LRP6: variants seen among roughly 807,000 people sequenced by gnomAD.
LRP6 encodes low-density lipoprotein receptor-related protein 6.
A neutral mutation model predicts 184.1 loss-of-function variants in LRP6; 43 were observed. The ratio of observed to expected loss-of-function variants is 0.23; its 90% confidence interval spans 0.18 to 0.30. The LOEUF (loss-of-function observed/expected upper bound fraction) is 0.30, where lower values mean the gene tolerates loss of function less well. LRP6 is among the 10% of genes least tolerant of loss of function. The pLI is 1.00. For synonymous variants in LRP6, 719 were observed against 684.9 expected (o/e 1.05, Z -0.78); for missense variants, 1,571 against 2,005.3 (o/e 0.78, Z 4.14).
intron 12 of LRP6, among the ~76,000 whole-genome samples, chr12:12,152,661 T>C (rs1950098136): frequency 6.6e-6 from 1 of 152,194 alleles, no homozygotes; most frequent in Non-Finnish European, 1.5e-5. Flanking sequence ...AATATCTGTA[T>C]ACATTTCATA....
intron 2 of LRP6, among the ~76,000 whole-genome samples, chr12:12,224,200 G>A (rs1458287883): frequency 2.0e-5 from 3 of 152,100 alleles, no homozygotes; most frequent in Admixed American, 6.5e-5. Context: ...TTTAAAATTC[G>A]TATTCATTAA....
intron 16 of LRP6, 110 bp downstream of exon 16, chr12:12,138,215 A>G: frequency 1.9e-6 from 2 of 1,079,218 alleles, no homozygotes; most frequent in Non-Finnish European, 1.4e-6. Context: ...GGCAAAACTA[A>G]AAGTGCATGA....
At chr12:12,131,403 C>T (rs537472960) in intron 18 of LRP6, among the ~76,000 whole-genome samples, 3 of 152,224 alleles carry the variant, frequency 2.0e-5, no homozygotes, top group South Asian at 2.1e-4. Context: ...CCACCACGCC[C>T]GGCTTATTCT....
chr12:12,235,252 T>C (rs754200627), intron 2 of LRP6, among the ~76,000 whole-genome samples: 3 of 152,072 alleles, frequency 2.0e-5, no homozygotes, highest in Non-Finnish European at 4.4e-5. Flanking sequence ...AGAATAGAAG[T>C]AAATATCCCA....
chr12:12,132,091 AAC>A, intron 17 of LRP6, 34 bp from the exon 18 acceptor site: 1 of 1,397,336 alleles, frequency 7.2e-7, no homozygotes, highest in Non-Finnish European at 1.0e-6. Context: ...GAGTGACAAA[AAC>A]ACAATCATGG....
intron 12 of LRP6, among the ~76,000 whole-genome samples, chr12:12,157,625 G>C (rs1468132569): frequency 6.6e-6 from 1 of 151,922 alleles, no homozygotes; most frequent in East Asian, 1.9e-4. Context: ...ACTGAAGTTG[G>C]CATCAGAACA....
chr12:12,121,025 G>T lies in LRP6; in HGVS notation c.*101C>A. The T allele has an allele frequency of 1.0e-6, 1 of 988,918 alleles. No homozygotes were observed. Among genetic ancestry groups the T allele is most frequent in the Non-Finnish European group, 1.5e-6 (1 of 676,814 alleles). The allele number at this position is 988,918 out of a possible 1,614,324, so 61.3% of individuals were successfully genotyped here. A position where few individuals can be genotyped will look rare whatever the true frequency, so the allele number is the denominator to read the frequency against. ...TTATAATTTTAACTGTACATGGTCTGCCTCATCCTTCTCTAATAGCTCCCT... is the reference window on the plus strand; with the variant it reads ...TTATAATTTTAACTGTACATGGTCTTCCTCATCCTTCTCTAATAGCTCCCT... On this transcript the variant is annotated 3_prime_UTR_variant, in exon 23 of 23. Coordinates refer to ENST00000261349, the MANE Select transcript of LRP6 (RefSeq NM_002336.3).
At chr12:12,210,329 T>C (rs1226585241) in intron 2 of LRP6, among the ~76,000 whole-genome samples, 1 of 152,148 alleles carries the variant, frequency 6.6e-6, no homozygotes, top group Non-Finnish European at 1.5e-5. Context: ...TGTGTGTGTA[T>C]TGGTGTCATT....
intron 2 of LRP6, among the ~76,000 whole-genome samples, chr12:12,238,279 C>T (rs1449676067): frequency 7.0e-6 from 1 of 143,554 alleles, no homozygotes; most frequent in Non-Finnish European, 1.5e-5. Context: ...GATAAAAGAG[C>T]AAAATTAAGA....
At chr12:12,153,653 A>T (rs1357748115) in intron 12 of LRP6, among the ~76,000 whole-genome samples, 1 of 152,234 alleles carries the variant, frequency 6.6e-6, no homozygotes, top group Non-Finnish European at 1.5e-5. Context: ...TAAAATGACA[A>T]AGAATATGCC....
chr12:12,239,426 A>G (rs970043301), intron 2 of LRP6, among the ~76,000 whole-genome samples: 1 of 152,230 alleles, frequency 6.6e-6, no homozygotes, highest in Admixed American at 6.5e-5. Flanking sequence ...GAAACAGTAC[A>G]AAACTCAATA....
chr12:12,253,430 T>C (rs1030037768), intron 1 of LRP6, among the ~76,000 whole-genome samples: 48 of 152,216 alleles, frequency 3.2e-4, no homozygotes, highest in Admixed American at 1.2e-3. Context: ...TTTTTCTTTT[T>C]TTTTATTATT....
intron 7 of LRP6, among the ~76,000 whole-genome samples, chr12:12,167,922 C>T (rs903202975): frequency 1.3e-5 from 2 of 151,950 alleles, no homozygotes; most frequent in East Asian, 3.9e-4. Context: ...AAACTGAAGA[C>T]AAAAACCAAG....
intron 2 of LRP6, among the ~76,000 whole-genome samples, chr12:12,219,726 A>G (rs556729853): frequency 1.3e-5 from 2 of 152,292 alleles, no homozygotes; most frequent in Admixed American, 6.5e-5. Context: ...TCTTCACTTT[A>G]TAAGGCAGAA....
At chr12:12,212,402 G>A (rs1591952449) in intron 2 of LRP6, among the ~76,000 whole-genome samples, 1 of 152,156 alleles carries the variant, frequency 6.6e-6, no homozygotes, top group Admixed American at 6.5e-5. Flanking sequence ...AAAGCATGAA[G>A]AGAGCCTGTC....
At chr12:12,190,737 T>G (rs1288047040) in intron 3 of LRP6, among the ~76,000 whole-genome samples, 6 of 152,222 alleles carry the variant, frequency 3.9e-5, no homozygotes, top group Non-Finnish European at 7.3e-5. Flanking sequence ...TCTTTAATCA[T>G]ACCACAGGAC....
At chr12:12,186,193 A>C (rs983478316) in intron 4 of LRP6, among the ~76,000 whole-genome samples, 1 of 152,086 alleles carries the variant, frequency 6.6e-6, no homozygotes, top group African/African-American at 2.4e-5. Flanking sequence ...ATTCAACTAC[A>C]TACTGAAAGA....
intron 1 of LRP6, among the ~76,000 whole-genome samples, chr12:12,246,065 C>T (rs1424406040): frequency 7.0e-6 from 1 of 143,112 alleles, no homozygotes; most frequent in Non-Finnish European, 1.5e-5. Context: ...TGCAATGGCA[C>T]GATCTCAGCT....
intron 1 of LRP6, among the ~76,000 whole-genome samples, chr12:12,265,943 G>A (rs1247166225): frequency 6.6e-6 from 1 of 152,144 alleles, no homozygotes; most frequent in East Asian, 1.9e-4. Flanking sequence ...TTTGGTCCCA[G>A]GACCGGCTCC....
Sources: allele counts gnomAD v4.1 joint callset (sites outside exome capture counted in the v4.1 genomes callset), GRCh38; gene constraint gnomAD v4.1.1; transcripts MANE v1.5; gene names NCBI Gene and HGNC (gene_info 2026-07-23, HGNC 2026-07-21).